Variants in ZNF782 observed in about 807,000 individuals in gnomAD.
ZNF782 encodes zinc finger protein 782.
In ZNF782, 12 loss-of-function variants were observed where a neutral mutation model predicts 13.0. That is an observed-to-expected ratio of 0.92 (90% CI 0.59 to 1.50). The LOEUF (loss-of-function observed/expected upper bound fraction) is 1.50. Ranked by LOEUF, ZNF782 falls within the 40% of genes most tolerant of loss-of-function variation. The pLI is 0.00. For missense variants in ZNF782, 770 were observed against 822.9 expected (o/e 0.94, Z 0.79); for synonymous variants, 284 against 283.0 (o/e 1.00, Z -0.04).
At chr9:96,901,454 T>A in the ZNF782 span, among the ~76,000 whole-genome samples, 10 of 151,118 alleles carry the variant, frequency 6.6e-5, no homozygotes, top group East Asian at 2.0e-3. Flanking sequence ...GTATTTTTAG[T>A]AGAGACGAGG....
chr9:96,911,793 T>A, the ZNF782 span, among the ~76,000 whole-genome samples: 1 of 151,994 alleles, frequency 6.6e-6, no homozygotes, highest in Non-Finnish European at 1.5e-5. Context: ...GTGCTGGGAT[T>A]ACAGGTGTGA....
At chr9:96,840,174 A>G (rs944753574) in intron 4 of ZNF782, among the ~76,000 whole-genome samples, 2 of 152,090 alleles carry the variant, frequency 1.3e-5, no homozygotes, top group East Asian at 3.8e-4. Flanking sequence ...GGCCTCAATA[A>G]TATATATTCA....
At chr9:96,893,184 A>G in the ZNF782 span, 12 of 152,324 alleles carry the variant, frequency 7.9e-5, no homozygotes, top group Admixed American at 4.6e-4. Flanking sequence ...TCCTGTTTTG[A>G]AAATAGCTTA....
intron 1 of ZNF782, among the ~76,000 whole-genome samples, 186 bp from the exon 2 acceptor site, chr9:96,853,255 G>A (rs1022564761): frequency 3.9e-5 from 6 of 152,150 alleles, no homozygotes; most frequent in Non-Finnish European, 5.9e-5. Flanking sequence ...CACCCATTGT[G>A]TGGTGGCTTC....
chr9:96,839,066 T>C (rs537455463), intron 4 of ZNF782, among the ~76,000 whole-genome samples: 1 of 152,054 alleles, frequency 6.6e-6, no homozygotes, highest in Non-Finnish European at 1.5e-5. Context: ...GGCTTACCAC[T>C]AGGCCTCATC....
intron 1 of ZNF782, among the ~76,000 whole-genome samples, chr9:96,861,866 C>T (rs1851705681): frequency 6.6e-6 from 1 of 152,088 alleles, no homozygotes; most frequent in Non-Finnish European, 1.5e-5. Flanking sequence ...GTTCTCAAAA[C>T]TAAAAATAGA....
the ZNF782 span, among the ~76,000 whole-genome samples, chr9:96,905,408 A>C: frequency 6.6e-6 from 1 of 151,850 alleles, no homozygotes; most frequent in Non-Finnish European, 1.5e-5. Flanking sequence ...TATATGGTCT[A>C]AAAAAGGGAG....
chr9:96,843,448 T>C (rs1294412503), intron 4 of ZNF782, among the ~76,000 whole-genome samples: 2 of 152,200 alleles, frequency 1.3e-5, no homozygotes, highest in Non-Finnish European at 2.9e-5. Flanking sequence ...ATGATTCCAC[T>C]TATATAACAG....
At chr9:96,864,927 T>G (rs988928218) in intron 1 of ZNF782, among the ~76,000 whole-genome samples, 5 of 149,652 alleles carry the variant, frequency 3.3e-5, no homozygotes, top group Non-Finnish European at 7.4e-5. Context: ...GAGCCTGTAG[T>G]CCCAGCTACT....
the ZNF782 span, among the ~76,000 whole-genome samples, chr9:96,921,541 A>T: frequency 2.8e-5 from 4 of 143,870 alleles, no homozygotes; most frequent in African/African-American, 1.0e-4. Context: ...TCAAAAACAC[A>T]AACAAAAAAA....
intron 4 of ZNF782, among the ~76,000 whole-genome samples, chr9:96,839,429 T>C (rs1851120906): frequency 6.6e-6 from 1 of 152,234 alleles, no homozygotes; most frequent in Admixed American, 6.5e-5. Context: ...TCTTCTTATG[T>C]GTTTTGTATA....
chr9:96,894,312 T>G, the ZNF782 span: 3 of 151,996 alleles, frequency 2.0e-5, no homozygotes, highest in African/African-American at 7.3e-5. Flanking sequence ...CTGCACGTTG[T>G]GCACATGTAC....
At chr9:96,914,310 C>T in the ZNF782 span, among the ~76,000 whole-genome samples, 368 of 150,840 alleles carry the variant, frequency 2.4e-3, 2 homozygotes, top group African/African-American at 8.2e-3. Context: ...TTAGTAGAGA[C>T]GGGGTTTCAC....
chr9:96,930,837 C>T, the ZNF782 span, among the ~76,000 whole-genome samples: 34 of 136,660 alleles, frequency 2.5e-4, no homozygotes, highest in South Asian at 7.6e-3. Flanking sequence ...TTCAGGGTTC[C>T]TAGGGCGCTG....
upstream of ZNF782, among the ~76,000 whole-genome samples, chr9:96,855,103 C>T (rs989291746): frequency 1.3e-5 from 2 of 152,176 alleles, no homozygotes; most frequent in African/African-American, 4.8e-5. Context: ...GCGGGTCGAG[C>T]CCGGTGCTGC....
the ZNF782 span, among the ~76,000 whole-genome samples, chr9:96,885,783 A>C: frequency 6.6e-6 from 1 of 152,052 alleles, no homozygotes; most frequent in Non-Finnish European, 1.5e-5. Context: ...CTCAATTTAA[A>C]TAACTTATTT....
chr9:96,834,800 C>A (rs928411374), intron 4 of ZNF782, among the ~76,000 whole-genome samples: 3 of 152,138 alleles, frequency 2.0e-5, no homozygotes, highest in Non-Finnish European at 4.4e-5. Flanking sequence ...TTACAAACAC[C>A]TGAAAATGCG....
the ZNF782 span, among the ~76,000 whole-genome samples, chr9:96,901,189 T>C: frequency 6.6e-6 from 1 of 152,024 alleles, no homozygotes. Context: ...AATGGCTATG[T>C]TACAGTTTTG....
chr9:96,833,589 G>A (rs1233173223), intron 4 of ZNF782, among the ~76,000 whole-genome samples: 1 of 152,188 alleles, frequency 6.6e-6, no homozygotes. Context: ...GCCATCAACA[G>A]ACTTATCACT....
Sources: allele counts gnomAD v4.1 joint callset (sites outside exome capture counted in the v4.1 genomes callset), GRCh38; gene constraint gnomAD v4.1.1; transcripts MANE v1.5; gene names NCBI Gene and HGNC (gene_info 2026-07-23, HGNC 2026-07-21).